SULT1E1: variants seen among roughly 807,000 people sequenced by gnomAD.
The protein encoded by SULT1E1 is sulfotransferase family 1E member 1.
In SULT1E1, 36 loss-of-function variants were observed where a neutral mutation model predicts 33.6. That is an observed-to-expected ratio of 1.07 (90% confidence interval 0.82 to 1.41). The LOEUF (loss-of-function observed/expected upper bound fraction) is 1.41, where lower values mean the gene tolerates loss of function less well. Ranked by LOEUF, SULT1E1 falls within the 40% of genes most tolerant of loss-of-function variation. The probability of loss-of-function intolerance (pLI) is 0.00; values close to 1 mark genes in which losing one functional copy is unlikely to be tolerated. For synonymous variants in SULT1E1, 121 were observed against 111.7 expected, an observed-to-expected ratio of 1.08 and a Z score of -0.53; for missense variants, 371 against 345.7, an observed-to-expected ratio of 1.07 and a Z score of -0.58.
the SULT1E1 span, among the ~76,000 whole-genome samples, chr4:69,834,227 G>C: frequency 6.6e-6 from 1 of 152,122 alleles, no homozygotes; most frequent in African/African-American, 2.4e-5. Flanking sequence ...TGTATAGTAA[G>C]CTGCTTACTG....
At chr4:69,834,349 G>T in the SULT1E1 span, among the ~76,000 whole-genome samples, 1 of 152,086 alleles carries the variant, frequency 6.6e-6, no homozygotes, top group African/African-American at 2.4e-5. Context: ...CTTCTATTTT[G>T]CTATTTTTGT....
the SULT1E1 span, among the ~76,000 whole-genome samples, chr4:69,830,373 G>T: frequency 1.3e-5 from 2 of 152,234 alleles, no homozygotes; most frequent in Non-Finnish European, 2.9e-5. Context: ...CCCTGGGCCT[G>T]CCCTATGAAT....
intron 4 of SULT1E1, 63 bp from the exon 5 acceptor site, chr4:69,849,626 T>C: frequency 1.4e-6 from 2 of 1,452,506 alleles, no homozygotes; most frequent in Non-Finnish European, 1.8e-6. Flanking sequence ...TCATCAAGAT[T>C]TTTTTAAAAA....
downstream of SULT1E1, among the ~76,000 whole-genome samples, chr4:69,837,279 A>G (rs1310193798): frequency 1.3e-5 from 2 of 152,268 alleles, no homozygotes; most frequent in Admixed American, 6.5e-5. Flanking sequence ...TTTATGTTCC[A>G]TTTTATTGAA....
the SULT1E1 span, among the ~76,000 whole-genome samples, chr4:69,828,499 C>T: frequency 2.6e-5 from 4 of 152,166 alleles, no homozygotes; most frequent in Admixed American, 1.3e-4. Context: ...AGACCACAAA[C>T]CCACCAGAAG....
chr4:69,852,586 T>C (rs1721149136), intron 4 of SULT1E1, among the ~76,000 whole-genome samples: 1 of 152,196 alleles, frequency 6.6e-6, no homozygotes, highest in Admixed American at 6.6e-5. Flanking sequence ...CCTGTTACTT[T>C]TTGTCACTTT....
At chr4:69,829,791 T>G in the SULT1E1 span, among the ~76,000 whole-genome samples, 1 of 152,210 alleles carries the variant, frequency 6.6e-6, no homozygotes, top group Admixed American at 6.5e-5. Flanking sequence ...TGCACAGTTC[T>G]TGGATAGTGG....
downstream of SULT1E1, among the ~76,000 whole-genome samples, chr4:69,839,345 G>T (rs1490138442): frequency 6.6e-6 from 1 of 152,142 alleles, no homozygotes; most frequent in Non-Finnish European, 1.5e-5. Context: ...GAGCCAGAGA[G>T]GACTCACTTT....
chr4:69,826,483 C>T, the SULT1E1 span, among the ~76,000 whole-genome samples: 4 of 152,150 alleles, frequency 2.6e-5, no homozygotes, highest in South Asian at 4.2e-4. Flanking sequence ...GCAACTATTC[C>T]GATCAGCAGG....
chr4:69,831,584 C>A, the SULT1E1 span, among the ~76,000 whole-genome samples: 2 of 152,154 alleles, frequency 1.3e-5, no homozygotes, highest in Non-Finnish European at 2.9e-5. Flanking sequence ...ATTCCATAAT[C>A]CCCTGAAAAA....
At chr4:69,826,133 T>C in the SULT1E1 span, among the ~76,000 whole-genome samples, 1 of 152,106 alleles carries the variant, frequency 6.6e-6, no homozygotes, top group African/African-American at 2.4e-5. Flanking sequence ...TTCCTATTCA[T>C]ATAAGTGAGG....
chr4:69,829,593 G>T, the SULT1E1 span, among the ~76,000 whole-genome samples: 30 of 152,152 alleles, frequency 2.0e-4, no homozygotes, highest in Non-Finnish European at 3.4e-4. Flanking sequence ...TAGGTTTAAA[G>T]TTACATTCCC....
the SULT1E1 span, among the ~76,000 whole-genome samples, chr4:69,833,212 A>G: frequency 1.3e-5 from 2 of 152,140 alleles, no homozygotes; most frequent in Non-Finnish European, 2.9e-5. Flanking sequence ...GATGAGGGAT[A>G]TGATACCAGT....
chr4:69,859,575 A>G (rs1721321564), intron 1 of SULT1E1, among the ~76,000 whole-genome samples: 1 of 152,162 alleles, frequency 6.6e-6, no homozygotes, highest in Non-Finnish European at 1.5e-5. Flanking sequence ...TTAAAAGGCA[A>G]TATATGTCAA....
At chr4:69,850,330 G>C (rs1194368022) in intron 4 of SULT1E1, among the ~76,000 whole-genome samples, 1 of 152,038 alleles carries the variant, frequency 6.6e-6, no homozygotes, top group Non-Finnish European at 1.5e-5. Flanking sequence ...GTAAAGTCCA[G>C]TATCCTCATG....
intron 4 of SULT1E1, 65 bp from the exon 5 acceptor site, chr4:69,849,628 T>A (rs11573773): frequency 3.9e-5 from 56 of 1,430,760 alleles, no homozygotes; most frequent in Non-Finnish European, 5.2e-5. Flanking sequence ...ATCAAGATTT[T>A]TTTAAAAAGG....
the SULT1E1 span, among the ~76,000 whole-genome samples, chr4:69,823,751 G>T: frequency 1.3e-5 from 2 of 152,142 alleles, no homozygotes; most frequent in Admixed American, 6.5e-5. Flanking sequence ...TTGCTAGCTG[G>T]AGAGCCCTTC....
chr4:69,856,922 C>T (rs1721252238), intron 2 of SULT1E1, among the ~76,000 whole-genome samples: 1 of 107,552 alleles, frequency 9.3e-6, no homozygotes, highest in African/African-American at 3.6e-5. Context: ...GGAGACAGAG[C>T]GAGACTCCGT....
chr4:69,855,573 T>G, intron 2 of SULT1E1, 147 bp from the exon 3 acceptor site: 1 of 656,052 alleles, frequency 1.5e-6, no homozygotes. Flanking sequence ...AGGAAATATT[T>G]TCTATAATAT....
Sources: gnomAD v4.1 joint callset for allele counts (sites outside exome capture counted in the v4.1 genomes callset) on GRCh38, gnomAD v4.1.1 for gene constraint, MANE v1.5 for transcripts, NCBI Gene and HGNC (gene_info 2026-07-23, HGNC 2026-07-21) for gene names.